ZSCAN5A: variants seen among roughly 807,000 people sequenced by gnomAD.
ZSCAN5A encodes zinc finger and SCAN domain containing 5A, also known as zinc finger and SCAN domain-containing protein 5A.
A neutral mutation model predicts 23.7 loss-of-function variants in ZSCAN5A; 12 were observed. That is an observed-to-expected ratio of 0.51 (90% CI 0.32 to 0.82). The LOEUF is 0.82. Among genes scored for constraint, ZSCAN5A ranks in the 40% least tolerant of loss-of-function variants. The pLI is 0.03. For missense variants in ZSCAN5A, 597 were observed against 617.9 expected (o/e 0.97, Z 0.36); for synonymous variants, 257 against 239.9 (o/e 1.07, Z -0.66).
At chr19:56,250,215 A>T (rs1244707491) in intron 2 of ZSCAN5A, among the ~76,000 whole-genome samples, 1 of 151,820 alleles carries the variant, frequency 6.6e-6, no homozygotes, top group African/African-American at 2.4e-5. Context: ...CTCAAGAGCG[A>T]CTCCCTTTCT....
Position 56,353,707 on chromosome 19 carries a change from G to A in ZSCAN5A, c.-358+9528C>T, listed in dbSNP as rs556382317. Among the ~76,000 whole-genome samples, 10 of 152,142 alleles carry A rather than the reference G, an allele frequency of 6.6e-5. No individual in the cohort carries two copies. The East Asian group carries it at 7.7e-4, about 12-fold the overall frequency. ...TGAGGCAGGAGAATGGCATGAACCCGGGAGGCAGAGCTTGCAGTGAACCGA... is the reference window on the plus strand; with the variant it reads ...TGAGGCAGGAGAATGGCATGAACCCAGGAGGCAGAGCTTGCAGTGAACCGA... On this transcript the variant is annotated intron_variant, in intron 2 of 6. Transcript: ENST00000587340.
upstream of ZSCAN5A, chr19:56,315,439 T>C (rs901834065): frequency 6.6e-6 from 1 of 152,234 alleles, no homozygotes; most frequent in East Asian, 1.9e-4. Flanking sequence ...TCCAAAGTGG[T>C]GCCCTGGGAG....
Position 56,274,444 on chromosome 19 carries a change from ACT to A in ZSCAN5A, c.-128+38837_-128+38838del, listed in dbSNP as rs954436816. 2.8e-5 allele frequency: 4 copies of A among 141,766 alleles called. No individual in the cohort carries two copies. The East Asian group carries it at 6.0e-4, about 21-fold the overall frequency. The allele number at this position is 141,766 out of a possible 1,614,324, so 8.8% of individuals were successfully genotyped here. On this transcript the variant is annotated intron_variant, in intron 2 of 5. Transcript: ENST00000683990. ...ACTCCAGCCTGGGAAACAGAGCAAG[ACT>A]CTGTTTCAAAAAGAAAAAAAGAAAA...
At chr19:56,231,354 G>A (rs1452873160) in intron 2 of ZSCAN5A, among the ~76,000 whole-genome samples, 1 of 152,100 alleles carries the variant, frequency 6.6e-6, no homozygotes, top group African/African-American at 2.4e-5. Context: ...AAATGTGTAT[G>A]TACCATTTTT....
At chr19:56,305,352 C>A (rs751780723) in intron 2 of ZSCAN5A, among the ~76,000 whole-genome samples, 1 of 152,214 alleles carries the variant, frequency 6.6e-6, no homozygotes, top group African/African-American at 2.4e-5. Context: ...TGGCCCTTTG[C>A]ATCTGGGTTT....
intron 2 of ZSCAN5A, chr19:56,342,977 C>T (rs1002976539): frequency 3.4e-6 from 3 of 878,430 alleles, no homozygotes; most frequent in Non-Finnish European, 5.9e-6. Flanking sequence ...AAATACTTCA[C>T]TTCTGCCTCC....
chr19:56,239,957 T>A (rs1358619321), intron 2 of ZSCAN5A, among the ~76,000 whole-genome samples: 7 of 151,656 alleles, frequency 4.6e-5, no homozygotes, highest in Non-Finnish European at 1.0e-4. Context: ...AGGTCAGGAG[T>A]TCAAGACCAG....
At chr19:56,223,350 A>G (rs1024200956) in intron 4 of ZSCAN5A, among the ~76,000 whole-genome samples, 4 of 151,764 alleles carry the variant, frequency 2.6e-5, no homozygotes, top group African/African-American at 9.7e-5. Flanking sequence ...GCTACGGGGA[A>G]GGAATCTTCA....
intron 2 of ZSCAN5A, chr19:56,322,212 G>A (rs1344117375): frequency 6.8e-6 from 6 of 883,538 alleles, no homozygotes; most frequent in Non-Finnish European, 1.2e-5. Context: ...AGGCTCATTT[G>A]TTTCCTTCTG....
At chr19:56,281,707 T>C (rs2038719960) in intron 2 of ZSCAN5A, 2 of 985,350 alleles carry the variant, frequency 2.0e-6, no homozygotes, top group Non-Finnish European at 2.4e-6. Flanking sequence ...CTGTAAGTCA[T>C]ATCTCCTTCT....
At chr19:56,340,182 C>T (rs1207070442) in intron 2 of ZSCAN5A, among the ~76,000 whole-genome samples, 1 of 152,122 alleles carries the variant, frequency 6.6e-6, no homozygotes, top group African/African-American at 2.4e-5. Context: ...ATGGTGTTCT[C>T]TCAGAATTTG....
chr19:56,246,749 A>C (rs1386407285), intron 2 of ZSCAN5A: 1 of 1,486,512 alleles, frequency 6.7e-7, no homozygotes, highest in African/African-American at 1.4e-5. Context: ...GTGGGAGCAA[A>C]GGAGGGGAAG....
chr19:56,353,511 T>G (rs2041680839), intron 2 of ZSCAN5A, among the ~76,000 whole-genome samples: 1 of 152,236 alleles, frequency 6.6e-6, no homozygotes, highest in East Asian at 1.9e-4. Context: ...GGCTCACGCC[T>G]GTAATCCCAG....
At chr19:56,339,818 G>T (rs143377837) in intron 2 of ZSCAN5A, among the ~76,000 whole-genome samples, 1 of 150,996 alleles carries the variant, frequency 6.6e-6, no homozygotes, top group African/African-American at 2.5e-5. Flanking sequence ...GGTTGTAGCC[G>T]CATTTAGCAA....
intron 2 of ZSCAN5A, among the ~76,000 whole-genome samples, chr19:56,243,716 G>T (rs2146644878): frequency 6.6e-6 from 1 of 152,302 alleles, no homozygotes; most frequent in African/African-American, 2.4e-5. Context: ...ATTTCCTGGA[G>T]ATCAGAATCC....
chr19:56,239,256 A>T (rs2035221363), intron 2 of ZSCAN5A, among the ~76,000 whole-genome samples: 1 of 152,214 alleles, frequency 6.6e-6, no homozygotes, highest in African/African-American at 2.4e-5. Flanking sequence ...AGATGAGAAA[A>T]TTTACTCTGA....
rs149425471 is a variant in ZSCAN5A at position 56,224,977 on chromosome 19, G to T, written c.70C>A (p.Arg24=). 2.5e-6 allele frequency: 4 copies of T among 1,614,042 alleles called. No homozygotes were observed. In the African/African-American group the frequency reaches 5.3e-5, roughly 22 times the overall value. The change falls in exon 3 of 6, where the codon CGG becomes AGG. Residue 24 remains arginine (R), a synonymous_variant. Coordinates refer to ENST00000683990, the MANE Select transcript of ZSCAN5A (RefSeq NM_001322064.3). ...SCNRPGLELP[R]SMASSETQLG... is the part of the protein sequence containing the mutation. ...TGAGTTTCTGAGGATGCCATAGACC[G>T]TGGCAGCTCCAACCCAGGTCTGTTG... is the stretch of plus-strand genomic sequence containing the variant.
At chr19:56,325,464 C>T (rs138871878) in intron 2 of ZSCAN5A, among the ~76,000 whole-genome samples, 1 of 152,216 alleles carries the variant, frequency 6.6e-6, no homozygotes, top group African/African-American at 2.4e-5. Context: ...GGAATTATCC[C>T]CTGAAAGAGA....
intron 2 of ZSCAN5A, among the ~76,000 whole-genome samples, chr19:56,230,101 C>A (rs2034322985): frequency 6.6e-6 from 1 of 152,036 alleles, no homozygotes; most frequent in Non-Finnish European, 1.5e-5. Flanking sequence ...TTTCCCAACA[C>A]ATTATTATTA....
Sources: allele counts gnomAD v4.1 joint callset (sites outside exome capture counted in the v4.1 genomes callset), GRCh38; gene constraint gnomAD v4.1.1; transcripts MANE v1.5; gene names NCBI Gene and HGNC (gene_info 2026-07-23, HGNC 2026-07-21).